The following RNF187 variants were observed in gnomAD, a reference collection of about 807,000 sequenced individuals.
The protein encoded by RNF187 is ring finger protein 187.
In RNF187, 18 loss-of-function variants were observed where a neutral mutation model predicts 22.2. The observed-to-expected ratio is 0.81, with a 90% CI of 0.56 to 1.20. RNF187 has a LOEUF of 1.20. Among genes scored for constraint, RNF187 ranks in the 50% most tolerant of loss-of-function variants. The pLI, the probability that RNF187 is intolerant of heterozygous loss-of-function variation, is 0.00. For missense variants in RNF187, 329 were observed against 317.6 expected (o/e 1.04, Z -0.27); for synonymous variants, 164 against 140.9 (o/e 1.16, Z -1.16).
Position 228,489,059 on chromosome 1 carries a change from G to A in RNF187, c.483+7G>A. The A allele has an allele frequency of 5.2e-6, 8 of 1,543,020 alleles. No homozygotes were observed. Among genetic ancestry groups the A allele is most frequent in the Non-Finnish European group, 7.0e-6 (8 of 1,145,202 alleles). On this transcript the variant is annotated splice_region_variant and intron_variant, in intron 2 of 3. Transcript: ENST00000305943. ...AGCAGCTGCAGTGTGGAAGGCAAGT[G>A]GGGGGACCTGGGGCAGCCTGGAATG...
chr1:228,493,762 T>C lies in RNF187; in HGVS notation c.706-121T>C. The C allele has an allele frequency of 9.2e-7, 1 of 1,081,990 alleles. No individual in the cohort carries two copies. The highest frequency in any genetic ancestry group is 1.4e-6 in the Non-Finnish European group (1 of 722,744). The allele number at this position is 1,081,990 out of a possible 1,614,324, so 67.0% of individuals were successfully genotyped here. A position where few individuals can be genotyped will look rare whatever the true frequency, so the allele number is the denominator to read the frequency against. On this transcript the variant is annotated intron_variant, in intron 3 of 3. Coordinates refer to ENST00000305943, the MANE Select transcript of RNF187 (RefSeq NM_001010858.3). The surrounding 1 kb of genome is among the most constrained non-coding windows in gnomAD (Gnocchi z 4.7). ...CCTGGGTTTGTTGTGCTCAGGACAG[T>C]ACCTCATGCGCTGTCTCATGTGCGC... is the stretch of plus-strand genomic sequence containing the variant.
At position 228,494,887 on chromosome 1, in the gene RNF187, C is replaced by A; in HGVS notation, c.*1002C>A. On this transcript the variant is annotated 3_prime_UTR_variant, in exon 4 of 4. Coordinates refer to ENST00000305943, the MANE Select transcript of RNF187 (RefSeq NM_001010858.3). ...TGAAGCCTTTCAGCCCTTCTGAGTCCCCGGCCCTTGGTGCGATGTCTGTGA... is the reference window on the plus strand; with the variant it reads ...TGAAGCCTTTCAGCCCTTCTGAGTCACCGGCCCTTGGTGCGATGTCTGTGA... 1 of 985,412 alleles carries A rather than the reference C, an allele frequency of 1.0e-6. No individual in the cohort carries two copies. Among genetic ancestry groups the A allele is most frequent in the Non-Finnish European group, 1.2e-6 (1 of 829,980 alleles). The allele number at this position is 985,412 out of a possible 1,614,324, so 61.0% of individuals were successfully genotyped here.
chr1:228,494,950 A>C lies in RNF187; in HGVS notation c.*1065A>C. ...CAGCGTGTGGGCTGGCTCAATGCTG[A>C]ATAAAGTGGGTTTGTGTCAGCTCGT... On this transcript the variant is annotated 3_prime_UTR_variant, in exon 4 of 4. Coordinates refer to ENST00000305943, the MANE Select transcript of RNF187 (RefSeq NM_001010858.3). 1 of 985,480 alleles carries C rather than the reference A, an allele frequency of 1.0e-6. No individual in the cohort carries two copies. The highest frequency in any genetic ancestry group is 1.2e-6 in the Non-Finnish European group (1 of 830,002). The allele number at this position is 985,480 out of a possible 1,614,324, so 61.0% of individuals were successfully genotyped here.
Position 228,495,578 on chromosome 1 carries a change from C to T in RNF187, c.*1693C>T. 1.0e-6 allele frequency: 1 copy of T among 985,548 alleles called. No individual in the cohort carries two copies. The highest frequency in any genetic ancestry group is 1.2e-6 in the Non-Finnish European group (1 of 829,962). 61.1% of individuals were successfully genotyped at this position (985,548 alleles called of 1,614,324 possible). On this transcript the variant is annotated 3_prime_UTR_variant, in exon 4 of 4. Coordinates refer to ENST00000305943, the MANE Select transcript of RNF187 (RefSeq NM_001010858.3). Reference sequence around the variant, plus strand: ...ATCCCTGAGCATCCCTGCCCCTGCCCTGCACACCTGTGATGCTTGCCCGGA... The same window carrying T: ...ATCCCTGAGCATCCCTGCCCCTGCCTTGCACACCTGTGATGCTTGCCCGGA...
intron 2 of RNF187, 76 bp from the exon 3 acceptor site, chr1:228,492,977 T>G: frequency 6.9e-7 from 1 of 1,451,168 alleles, no homozygotes; most frequent in Non-Finnish European, 9.2e-7. Context: ...CTTAACTCCT[T>G]CAAGAGCAAA....
At position 228,495,031 on chromosome 1, in the gene RNF187, A is replaced by G; in HGVS notation, c.*1146A>G. On this transcript the variant is annotated 3_prime_UTR_variant, in exon 4 of 4. Transcript: ENST00000305943. ...CTTCCCCCTGCCCTGGCCACCCTCC[A>G]GTGTCAAAGGAAACTTCCTCGTGAC... The G allele has an allele frequency of 1.0e-6, 1 of 985,728 alleles. No individual in the cohort carries two copies. The highest frequency in any genetic ancestry group is 1.2e-6 in the Non-Finnish European group (1 of 830,148). The allele number at this position is 985,728 out of a possible 1,614,324, so 61.1% of individuals were successfully genotyped here.
intron 2 of RNF187, among the ~76,000 whole-genome samples, chr1:228,492,273 C>T: frequency 1.3e-5 from 2 of 152,034 alleles, no homozygotes; most frequent in East Asian, 1.9e-4. Context: ...TAGTCTCGAA[C>T]TCCTGGGCTC....
Position 228,495,963 on chromosome 1 carries a change from GCCCT to G in RNF187, c.*2084_*2087del. Among the ~76,000 whole-genome samples the G allele has an allele frequency of 3.3e-5, 5 of 152,130 alleles. No individual in the cohort carries two copies. The highest frequency in any genetic ancestry group is 1.2e-4 in the African/African-American group (5 of 41,428). On this transcript the variant is annotated 3_prime_UTR_variant, in exon 4 of 4. Coordinates refer to ENST00000305943, the MANE Select transcript of RNF187 (RefSeq NM_001010858.3). Reference sequence around the variant, plus strand: ...CAGATACTCAAGTACCCTGCAGTCAGCCCTCCCTCTGCACATATGTGGGACAGTC... The same window carrying G: ...CAGATACTCAAGTACCCTGCAGTCAGCCCTCTGCACATATGTGGGACAGTC...
intron 2 of RNF187, among the ~76,000 whole-genome samples, chr1:228,491,415 G>A: frequency 9.3e-5 from 13 of 139,298 alleles, no homozygotes; most frequent in Non-Finnish European, 1.5e-4. Context: ...AAAAATAAAG[G>A]GAGATGGGTT....
At position 228,493,071 on chromosome 1, in the gene RNF187, A is replaced by T; in HGVS notation, c.502A>T (p.Arg168Trp). Residue 168 changes from arginine (R) to tryptophan (W), a missense_variant, in exon 3 of 4, where the codon AGG becomes TGG. Arg to Trp is a moderately radical substitution (Grantham distance 101, BLOSUM62 -3). Transcript: ENST00000305943. The surrounding 1 kb of genome is among the most constrained non-coding windows in gnomAD (Gnocchi z 4.7). ...TTTGCAGGGACACGTGATGGACCGT[A>T]GGAAGAAGGCACTGACCGACTACAA... The T allele has an allele frequency of 6.5e-7, 1 of 1,549,992 alleles. No individual in the cohort carries two copies. Among genetic ancestry groups the T allele is most frequent in the Non-Finnish European group, 8.7e-7 (1 of 1,145,842 alleles).
chr1:228,487,916 T>C, intron 1 of RNF187, 38 bp downstream of exon 1: 1 of 1,112,820 alleles, frequency 9.0e-7, no homozygotes, highest in Non-Finnish European at 1.1e-6. Flanking sequence ...CCCCGGACGG[T>C]GCCCTGCGCC....
In RNF187 at chr1:228,493,568, A is replaced by G; in HGVS notation, c.705+294A>G. Reference sequence around the variant, plus strand: ...TGCCTCGCCCTGGGGTCCTGAAGGCAGAAGCAGCCAAGAAACCCAACCTCA... The same window carrying G: ...TGCCTCGCCCTGGGGTCCTGAAGGCGGAAGCAGCCAAGAAACCCAACCTCA... On this transcript the variant is annotated intron_variant, in intron 3 of 3. Coordinates refer to ENST00000305943, the MANE Select transcript of RNF187 (RefSeq NM_001010858.3). The surrounding 1 kb of genome is among the most constrained non-coding windows in gnomAD (Gnocchi z 4.7). Among the ~76,000 whole-genome samples, 1 of 152,242 alleles carries G rather than the reference A, an allele frequency of 6.6e-6. No individual in the cohort carries two copies. Among genetic ancestry groups the G allele is most frequent in the African/African-American group, 2.4e-5 (1 of 41,470 alleles).
Position 228,495,882 on chromosome 1 carries a change from C to A in RNF187, c.*1997C>A. 2 of 499,022 alleles carry A rather than the reference C, an allele frequency of 4.0e-6. No homozygotes were observed. Among genetic ancestry groups the A allele is most frequent in the Non-Finnish European group, 5.2e-6 (2 of 386,106 alleles). The allele number at this position is 499,022 out of a possible 1,614,324, so 30.9% of individuals were successfully genotyped here. A position where few individuals can be genotyped will look rare whatever the true frequency, so the allele number is the denominator to read the frequency against. On this transcript the variant is annotated 3_prime_UTR_variant, in exon 4 of 4. Coordinates refer to ENST00000305943, the MANE Select transcript of RNF187 (RefSeq NM_001010858.3). ...ACTCAGCAATTTCAAATACAGTCAT[C>A]CCTCTGTGCCTAAGGGGGATTGGTT... is the stretch of plus-strand genomic sequence containing the variant.
Position 228,494,622 on chromosome 1 carries a change from C to T in RNF187, c.*737C>T. 2.0e-6 allele frequency: 2 copies of T among 985,538 alleles called. No individual in the cohort carries two copies. The highest frequency in any genetic ancestry group is 1.2e-4 in the Admixed American group (2 of 16,286). 61.0% of individuals were successfully genotyped at this position (985,538 alleles called of 1,614,324 possible). A position where few individuals can be genotyped will look rare whatever the true frequency, so the allele number is the denominator to read the frequency against. ...TAACCCCATTTAGCATCTCCAGGCC[C>T]TGCCATCGTGTCTCATCTTGCTGTT... On this transcript the variant is annotated 3_prime_UTR_variant, in exon 4 of 4. Transcript: ENST00000305943.
intron 2 of RNF187, among the ~76,000 whole-genome samples, chr1:228,491,028 G>A: frequency 3.3e-5 from 5 of 152,188 alleles, no homozygotes; most frequent in Non-Finnish European, 7.3e-5. Flanking sequence ...CAGTGTAGGG[G>A]AGAAAGAACT....
At chr1:228,488,845 A>G in intron 1 of RNF187, 115 bp from the exon 2 acceptor site, 1 of 802,134 alleles carries the variant, frequency 1.2e-6, no homozygotes, top group Middle Eastern at 2.5e-4. Flanking sequence ...CTTCGAGGTT[A>G]TCTCTGGGAT....
intron 1 of RNF187, 24 bp downstream of exon 1, chr1:228,487,902 C>G: frequency 1.7e-6 from 2 of 1,196,126 alleles, no homozygotes; most frequent in Admixed American, 9.4e-5. Context: ...GGTCCCGTGC[C>G]CCACCCCGGA....
Position 228,494,614 on chromosome 1 carries a change from T to G in RNF187, c.*729T>G. 1.0e-6 allele frequency: 1 copy of G among 985,732 alleles called. No homozygotes were observed. The highest frequency in any genetic ancestry group is 1.2e-6 in the Non-Finnish European group (1 of 830,184). The allele number at this position is 985,732 out of a possible 1,614,324, so 61.1% of individuals were successfully genotyped here. A position where few individuals can be genotyped will look rare whatever the true frequency, so the allele number is the denominator to read the frequency against. On this transcript the variant is annotated 3_prime_UTR_variant, in exon 4 of 4. Coordinates refer to ENST00000305943, the MANE Select transcript of RNF187 (RefSeq NM_001010858.3). ...CAGGTGGCTAACCCCATTTAGCATC[T>G]CCAGGCCCTGCCATCGTGTCTCATC...
In RNF187 at chr1:228,494,927, G is replaced by A; in HGVS notation, c.*1042G>A. 8.1e-6 allele frequency: 8 copies of A among 985,364 alleles called. No individual in the cohort carries two copies. Among genetic ancestry groups the A allele is most frequent in the Non-Finnish European group, 9.6e-6 (8 of 829,992 alleles). The allele number at this position is 985,364 out of a possible 1,614,324, so 61.0% of individuals were successfully genotyped here. A position where few individuals can be genotyped will look rare whatever the true frequency, so the allele number is the denominator to read the frequency against. The stretch of plus-strand genomic sequence containing the variant: ...GATGTCTGTGAGTTTGACCTGCCCA[G>A]CGTGTGGGCTGGCTCAATGCTGAAT... On this transcript the variant is annotated 3_prime_UTR_variant, in exon 4 of 4. Coordinates refer to ENST00000305943, the MANE Select transcript of RNF187 (RefSeq NM_001010858.3).
Sources: gnomAD v4.1 joint callset for allele counts (sites outside exome capture counted in the v4.1 genomes callset) on GRCh38, gnomAD v4.1.1 for gene constraint, Gnocchi (gnomAD v3.1) non-coding constraint, MANE v1.5 for transcripts, NCBI Gene and HGNC (gene_info 2026-07-23, HGNC 2026-07-21) for gene names.